ASCC1: variants seen among roughly 807,000 people sequenced by gnomAD.
ASCC1 encodes the protein activating signal cointegrator 1 complex subunit 1.
Under a neutral mutation model 46.6 loss-of-function variants are expected in ASCC1, and 35 were observed. The observed-to-expected ratio is 0.75, with a 90% confidence interval of 0.57 to 0.99. ASCC1 has a LOEUF of 0.99. ASCC1 is among the 50% of genes least tolerant of loss of function. The pLI, the probability that ASCC1 is intolerant of heterozygous loss-of-function variation, is 0.00. For missense variants in ASCC1, 376 were observed against 428.7 expected (o/e 0.88, Z 1.09); for synonymous variants, 143 against 146.6 (o/e 0.98, Z 0.18).
intron 5 of ASCC1, among the ~76,000 whole-genome samples, chr10:72,172,875 T>C (rs1326228792): frequency 1.4e-4 from 18 of 128,946 alleles, no homozygotes; most frequent in African/African-American, 5.1e-4. Context: ...ATATATTATA[T>C]ATTATATTTT....
chr10:72,180,086 G>C (rs1852377044), intron 5 of ASCC1, among the ~76,000 whole-genome samples: 1 of 151,848 alleles, frequency 6.6e-6, no homozygotes, highest in Non-Finnish European at 1.5e-5. Flanking sequence ...AAACCAGCCT[G>C]GCCAACATGG....
chr10:72,159,548 A>G (rs1849376382), intron 6 of ASCC1, among the ~76,000 whole-genome samples: 2 of 152,236 alleles, frequency 1.3e-5, no homozygotes, highest in Non-Finnish European at 2.9e-5. Flanking sequence ...AGTTTAGTTT[A>G]GCAAAAAGTA....
At chr10:72,130,141 C>T (rs1845421681) in intron 8 of ASCC1, among the ~76,000 whole-genome samples, 1 of 152,034 alleles carries the variant, frequency 6.6e-6, no homozygotes, top group African/African-American at 2.4e-5. Context: ...ATGAAATGTC[C>T]AGAACAGGCA....
chr10:72,210,593 T>C (rs1266003833), intron 3 of ASCC1, 139 bp downstream of exon 3: 2 of 718,090 alleles, frequency 2.8e-6, no homozygotes, highest in East Asian at 5.4e-5. Flanking sequence ...ATCAGTCCTT[T>C]GACATTTCAG....
chr10:72,133,289 C>T (rs1038969634), intron 7 of ASCC1, 108 bp from the exon 8 acceptor site: 5 of 1,102,838 alleles, frequency 4.5e-6, no homozygotes, highest in African/African-American at 1.5e-5. Flanking sequence ...AATCACCATA[C>T]AAAGCCCTGC....
intron 5 of ASCC1, among the ~76,000 whole-genome samples, chr10:72,187,473 C>G (rs1355991347): frequency 6.6e-6 from 1 of 151,930 alleles, no homozygotes; most frequent in Non-Finnish European, 1.5e-5. Flanking sequence ...GTAATCCCAG[C>G]ACTTTGGGAG....
intron 5 of ASCC1, among the ~76,000 whole-genome samples, chr10:72,186,440 AAAT>A (rs1218343838): frequency 6.6e-6 from 1 of 152,190 alleles, no homozygotes; most frequent in African/African-American, 2.4e-5. Context: ...CAGAGATGAC[AAAT>A]GAGTTTCAGA....
intron 9 of ASCC1, among the ~76,000 whole-genome samples, chr10:72,125,313 T>C (rs532395435): frequency 7.2e-5 from 11 of 152,358 alleles, no homozygotes; most frequent in Admixed American, 2.6e-4. Context: ...CAGCTGTTAA[T>C]ATGCTGCACA....
chr10:72,121,408 G>A (rs1405264684), intron 9 of ASCC1, among the ~76,000 whole-genome samples: 1 of 151,516 alleles, frequency 6.6e-6, no homozygotes, highest in Admixed American at 6.6e-5. Flanking sequence ...GCCTCCCAAA[G>A]CGCTGGGACT....
chr10:72,121,441 A>G (rs899896809), intron 9 of ASCC1, among the ~76,000 whole-genome samples: 6 of 151,938 alleles, frequency 3.9e-5, no homozygotes, highest in South Asian at 2.1e-4. Context: ...CATTGTACCC[A>G]GCCAAGAGAC....
At chr10:72,136,950 T>C (rs940922558) in intron 7 of ASCC1, among the ~76,000 whole-genome samples, 1 of 151,724 alleles carries the variant, frequency 6.6e-6, no homozygotes, top group Admixed American at 6.6e-5. Flanking sequence ...AGGAACAAAC[T>C]CCGGACACAC....
At chr10:72,099,918 GTAAAGTGCTA>G in intron 9 of ASCC1, among the ~76,000 whole-genome samples, 1 of 152,108 alleles carries the variant, frequency 6.6e-6, no homozygotes, top group South Asian at 2.1e-4. Flanking sequence ...CTTGTAAACT[GTAAAGTGCTA>G]TGGAAAATTA....
chr10:72,197,297 C>T (rs898035026), intron 4 of ASCC1, among the ~76,000 whole-genome samples: 2 of 151,516 alleles, frequency 1.3e-5, no homozygotes, highest in Non-Finnish European at 2.9e-5. Flanking sequence ...CAGTGAAACC[C>T]CACCTCTACT....
In ASCC1 at chr10:72,159,087, C is replaced by G. The variant is rs193115190; in HGVS notation, c.626+2451G>C. On this transcript the variant is annotated intron_variant, in intron 6 of 9. Transcript: ENST00000672957. ...GGTTGGGGAGGCTTGCTTTATTTTA[C>G]TCGCTGGTTCCACATCTTTCCAGCT... 8.5e-5 allele frequency: 13 copies of G among 152,256 alleles called. No individual in the cohort carries two copies. In the East Asian group the frequency reaches 2.3e-3, roughly 27 times the overall value. The allele number at this position is 152,256 out of a possible 1,614,324, so 9.4% of individuals were successfully genotyped here.
intron 5 of ASCC1, among the ~76,000 whole-genome samples, chr10:72,187,612 C>T (rs932958231): frequency 6.7e-6 from 1 of 148,998 alleles, no homozygotes; most frequent in Non-Finnish European, 1.5e-5. Flanking sequence ...CCCAGCTACT[C>T]GGGAAGCTGA....
At chr10:72,125,283 T>C (rs1210397406) in intron 9 of ASCC1, among the ~76,000 whole-genome samples, 1 of 152,188 alleles carries the variant, frequency 6.6e-6, no homozygotes, top group African/African-American at 2.4e-5. Flanking sequence ...ATCACCAGCA[T>C]TCCTGATCCT....
chr10:72,191,302 T>G (rs1436663670), intron 5 of ASCC1, among the ~76,000 whole-genome samples: 1 of 151,372 alleles, frequency 6.6e-6, no homozygotes, highest in Non-Finnish European at 1.5e-5. Context: ...CCTGACCTCG[T>G]GATCCACCCA....
intron 7 of ASCC1, among the ~76,000 whole-genome samples, chr10:72,144,166 G>A (rs1847365856): frequency 6.6e-6 from 1 of 151,908 alleles, no homozygotes; most frequent in East Asian, 1.9e-4. Flanking sequence ...TAGTAGAGAT[G>A]GGGTTTCACC....
chr10:72,127,982 T>C (rs1037975844), intron 9 of ASCC1, 100 bp downstream of exon 9: 11 of 951,748 alleles, frequency 1.2e-5, no homozygotes, highest in Non-Finnish European at 1.9e-5. Flanking sequence ...TGAGAAAAAG[T>C]ATGAAGAAGT....
Sources: allele counts gnomAD v4.1 joint callset (sites outside exome capture counted in the v4.1 genomes callset), GRCh38; gene constraint gnomAD v4.1.1; transcripts MANE v1.5; gene names NCBI Gene and HGNC (gene_info 2026-07-23, HGNC 2026-07-21).